The following SLC2A9 variants were observed in gnomAD, a reference collection of about 807,000 sequenced individuals.
The protein encoded by SLC2A9 is solute carrier family 2, facilitated glucose transporter member 9.
SLC2A9 carries 39 observed loss-of-function variants against 50.6 expected under a neutral mutation model. That is an observed-to-expected ratio of 0.77 (90% CI 0.60 to 1.01). The LOEUF is 1.01. Ranked by LOEUF, SLC2A9 falls within the 50% of genes least tolerant of loss-of-function variation. The pLI, the probability that SLC2A9 is intolerant of heterozygous loss-of-function variation, is 0.00. For synonymous variants in SLC2A9, 324 were observed against 276.9 expected (o/e 1.17, Z -1.69); for missense variants, 686 against 677.6 (o/e 1.01, Z -0.14).
downstream of SLC2A9, among the ~76,000 whole-genome samples, chr4:9,825,732 T>C (rs1348547153): frequency 6.6e-6 from 1 of 152,126 alleles, no homozygotes; most frequent in Admixed American, 6.5e-5. Flanking sequence ...AGCCCTGAAG[T>C]TTTGAGCCCA....
chr4:9,963,455 C>T (rs62294334), intron 5 of SLC2A9, among the ~76,000 whole-genome samples: 198 of 152,192 alleles, frequency 1.3e-3, no homozygotes, highest in Non-Finnish European at 2.3e-3. Context: ...ACAGACCCCA[C>T]GGTCAGCTCT....
At chr4:9,861,695 A>G (rs1385842884) in intron 10 of SLC2A9, among the ~76,000 whole-genome samples, 4 of 123,918 alleles carry the variant, frequency 3.2e-5, no homozygotes, top group South Asian at 2.4e-4. Flanking sequence ...CTCAATAAAT[A>G]TGGATAAGTG....
chr4:10,016,307 A>G (rs982307496), intron 2 of SLC2A9, among the ~76,000 whole-genome samples: 4 of 152,154 alleles, frequency 2.6e-5, no homozygotes, highest in African/African-American at 9.7e-5. Context: ...CTCTGGCTCC[A>G]CTCATTATGT....
upstream of SLC2A9, among the ~76,000 whole-genome samples, chr4:10,021,912 T>C (rs1763538410): frequency 6.6e-6 from 1 of 151,592 alleles, no homozygotes; most frequent in Non-Finnish European, 1.5e-5. Context: ...CAATCTCTGC[T>C]CACTGCAACC....
At chr4:9,938,375 C>T in intron 6 of SLC2A9, among the ~76,000 whole-genome samples, 1 of 151,426 alleles carries the variant, frequency 6.6e-6, no homozygotes, top group Non-Finnish European at 1.5e-5. Context: ...AGGTTCACGC[C>T]ATTCTCTTGC....
downstream of SLC2A9, among the ~76,000 whole-genome samples, chr4:9,821,514 G>C (rs1724397011): frequency 6.6e-6 from 1 of 152,158 alleles, no homozygotes; most frequent in African/African-American, 2.4e-5. Context: ...GGGGGCAAGA[G>C]GAGGGAGAGC....
intron 1 of SLC2A9, chr4:10,040,098 C>T (rs1764235973): frequency 6.6e-6 from 1 of 152,370 alleles, no homozygotes; most frequent in Non-Finnish European, 1.5e-5. Context: ...GCACCCTTGC[C>T]TGTTTTCTTG....
At chr4:9,829,435 A>T (rs1339359096) in intron 11 of SLC2A9, among the ~76,000 whole-genome samples, 1 of 151,024 alleles carries the variant, frequency 6.6e-6, no homozygotes, top group East Asian at 1.9e-4. Flanking sequence ...ACCATTCGGG[A>T]CATAGTCACG....
At chr4:10,036,521 T>C (rs1236437159) in intron 1 of SLC2A9, among the ~76,000 whole-genome samples, 2 of 152,226 alleles carry the variant, frequency 1.3e-5, no homozygotes, top group African/African-American at 4.8e-5. Context: ...GTGGTTTCAA[T>C]ATTCTCTTTA....
At chr4:9,828,478 A>G (rs528172102) in intron 11 of SLC2A9, among the ~76,000 whole-genome samples, 118 of 152,330 alleles carry the variant, frequency 7.7e-4, no homozygotes, top group African/African-American at 2.7e-3. Context: ...CAGGAAAGCC[A>G]AAGTCCTCAC....
intron 10 of SLC2A9, among the ~76,000 whole-genome samples, chr4:9,850,160 C>A (rs569965994): frequency 6.6e-6 from 1 of 152,080 alleles, no homozygotes; most frequent in Non-Finnish European, 1.5e-5. Flanking sequence ...TGGCCCCCAG[C>A]GACTCCTGGG....
intron 6 of SLC2A9, among the ~76,000 whole-genome samples, chr4:9,922,112 G>T (rs1744051203): frequency 6.6e-6 from 1 of 152,054 alleles, no homozygotes; most frequent in Non-Finnish European, 1.5e-5. Context: ...AGTATTCCAT[G>T]GTGTATATGT....
chr4:10,037,279 A>G (rs1293185069), intron 1 of SLC2A9, among the ~76,000 whole-genome samples: 1 of 152,200 alleles, frequency 6.6e-6, no homozygotes, highest in East Asian at 1.9e-4. Flanking sequence ...CTGCCTCTCT[A>G]GATTACGGAC....
chr4:10,026,613 T>C (rs1459204303), intron 1 of SLC2A9, among the ~76,000 whole-genome samples: 1 of 152,216 alleles, frequency 6.6e-6, no homozygotes, highest in Non-Finnish European at 1.5e-5. Flanking sequence ...ACAGCCCAAG[T>C]GTCCTCCAAT....
At chr4:9,957,937 T>G (rs1751589555) in intron 5 of SLC2A9, among the ~76,000 whole-genome samples, 1 of 152,142 alleles carries the variant, frequency 6.6e-6, no homozygotes, top group African/African-American at 2.4e-5. Flanking sequence ...TATTGAGAAT[T>G]CTGCACAACT....
chr4:9,774,364 A>G (rs948459594), intron 1 of SLC2A9, among the ~76,000 whole-genome samples: 30 of 152,164 alleles, frequency 2.0e-4, no homozygotes, highest in African/African-American at 6.8e-4. Context: ...GTATCCTTTC[A>G]CACGTAAAGC....
At chr4:9,809,844 TTTC>T (rs1411568119) in intron 3 of SLC2A9, among the ~76,000 whole-genome samples, 2 of 151,132 alleles carry the variant, frequency 1.3e-5, no homozygotes, top group African/African-American at 2.5e-5. Context: ...ATCAACAAGT[TTTC>T]TTTTCTTTTT....
intron 5 of SLC2A9, among the ~76,000 whole-genome samples, chr4:9,951,395 T>A (rs1202825782): frequency 6.6e-6 from 1 of 152,074 alleles, no homozygotes; most frequent in Non-Finnish European, 1.5e-5. Context: ...AAGGAATAAA[T>A]CCAATGTTTG....
chr4:9,830,472 A>G (rs573869202), intron 11 of SLC2A9, among the ~76,000 whole-genome samples: 1 of 152,342 alleles, frequency 6.6e-6, no homozygotes, highest in African/African-American at 2.4e-5. Flanking sequence ...GCATGTGTTT[A>G]CTTGTGTAAC....
Sources: allele counts gnomAD v4.1 joint callset (sites outside exome capture counted in the v4.1 genomes callset), GRCh38; gene constraint gnomAD v4.1.1; transcripts MANE v1.5; gene names NCBI Gene and HGNC (gene_info 2026-07-23, HGNC 2026-07-21).